The following ATP10A variants were observed in gnomAD, a reference collection of about 807,000 sequenced individuals.
ATP10A encodes the protein ATPase phospholipid transporting 10A (putative), also known as phospholipid-transporting ATPase VA.
In ATP10A, 111 loss-of-function variants were observed where a neutral mutation model predicts 147.8. The ratio of observed to expected loss-of-function variants is 0.75; its 90% CI spans 0.64 to 0.88. The LOEUF is 0.88. ATP10A is among the 40% of genes least tolerant of loss of function. ATP10A has a pLI of 0.00. For missense variants in ATP10A, 1,927 were observed against 1,959.0 expected (o/e 0.98, Z 0.31); for synonymous variants, 875 against 841.6 (o/e 1.04, Z -0.69).
At chr15:25,728,672 A>T (rs1902741686) in intron 3 of ATP10A, among the ~76,000 whole-genome samples, 1 of 152,242 alleles carries the variant, frequency 6.6e-6, no homozygotes, top group East Asian at 1.9e-4. Context: ...AGTTCAGGTT[A>T]TGCTTATTAA....
chr15:25,863,205 G>T lies in ATP10A; in HGVS notation c.-109C>A. On this transcript the variant is annotated 5_prime_UTR_variant, in exon 1 of 21. Coordinates refer to ENST00000555815, the MANE Select transcript of ATP10A (RefSeq NM_024490.4). Reference sequence around the variant, plus strand: ...GCGCGGCGGTGCGAGCTCCCCGCCTGCGGGACGCACGGAGACCGCGGTCAG... The same window carrying T: ...GCGCGGCGGTGCGAGCTCCCCGCCTTCGGGACGCACGGAGACCGCGGTCAG... The T allele has an allele frequency of 2.5e-6, 2 of 785,932 alleles. No individual in the cohort carries two copies. The highest frequency in any genetic ancestry group is 3.2e-6 in the Non-Finnish European group (2 of 631,090). The allele number at this position is 785,932 out of a possible 1,614,324, so 48.7% of individuals were successfully genotyped here.
chr15:25,718,527 GCTCT>G (rs1377391919), intron 7 of ATP10A, 128 bp from the exon 8 acceptor site: 1 of 933,814 alleles, frequency 1.1e-6, no homozygotes, highest in Non-Finnish European at 1.6e-6. Flanking sequence ...CACCACCCTT[GCTCT>G]CTAATAGCAA....
rs528640715 is a variant in ATP10A, at chr15:25,855,637, G to A, written c.449+7011C>T. On this transcript the variant is annotated intron_variant, in intron 1 of 20. Coordinates refer to ENST00000555815, the MANE Select transcript of ATP10A (RefSeq NM_024490.4). ...AAGCATGCGTTCCCCCTAAGATCAG[G>A]AGCAAGAGAAGGACATCCATTTTTG... 8.5e-4 allele frequency among the ~76,000 whole-genome samples: 129 copies of A among 151,998 alleles called. 1 individual carries two copies. Among genetic ancestry groups the A allele is most frequent in the Non-Finnish European group, 1.3e-3 (88 of 67,998 alleles).
chr15:25,793,958 C>T (rs540464904), intron 1 of ATP10A, among the ~76,000 whole-genome samples: 1 of 152,282 alleles, frequency 6.6e-6, no homozygotes, highest in Non-Finnish European at 1.5e-5. Context: ...AAGTCCTGCC[C>T]CAGATGCCCA....
chr15:25,687,423 C>T (rs1386292933), intron 16 of ATP10A, among the ~76,000 whole-genome samples: 6 of 151,882 alleles, frequency 4.0e-5, no homozygotes, highest in Non-Finnish European at 5.9e-5. Flanking sequence ...TAATTATGCC[C>T]CTTCTCACTC....
intron 1 of ATP10A, among the ~76,000 whole-genome samples, chr15:25,787,387 GA>G (rs1220511688): frequency 6.6e-6 from 1 of 152,030 alleles, no homozygotes; most frequent in Non-Finnish European, 1.5e-5. Flanking sequence ...GCTGAAGTAG[GA>G]GGATCATTTG....
chr15:25,859,007 C>T (rs1050604590), intron 1 of ATP10A, among the ~76,000 whole-genome samples: 2 of 152,184 alleles, frequency 1.3e-5, no homozygotes, highest in African/African-American at 2.4e-5. Flanking sequence ...GGGAGCAGGG[C>T]TCCAGGTCTG....
At chr15:25,784,751 C>T (rs924032973) in intron 1 of ATP10A, among the ~76,000 whole-genome samples, 4 of 151,978 alleles carry the variant, frequency 2.6e-5, no homozygotes, top group African/African-American at 9.7e-5. Context: ...GAAGAAACCC[C>T]ATCTCACTAA....
intron 8 of ATP10A, among the ~76,000 whole-genome samples, chr15:25,717,144 G>C (rs1257720277): frequency 2.0e-5 from 3 of 152,132 alleles, no homozygotes; most frequent in African/African-American, 4.8e-5. Context: ...CTTCAGCATT[G>C]CCCTCTAGTC....
chr15:25,711,595 G>T (rs1240666623), intron 10 of ATP10A, among the ~76,000 whole-genome samples: 1 of 152,082 alleles, frequency 6.6e-6, no homozygotes, highest in Non-Finnish European at 1.5e-5. Context: ...TTCATGCACT[G>T]CTTGGAAATT....
chr15:25,838,138 A>C (rs905642049), intron 1 of ATP10A, among the ~76,000 whole-genome samples: 122 of 152,384 alleles, frequency 8.0e-4, no homozygotes, highest in African/African-American at 2.9e-3. Context: ...ATGAAAGTCC[A>C]TACCCTGTCT....
chr15:25,833,981 G>GAAA (rs1567418808), intron 1 of ATP10A, among the ~76,000 whole-genome samples: 219 of 147,876 alleles, frequency 1.5e-3, no homozygotes, highest in African/African-American at 5.1e-3. Flanking sequence ...CAAAAAAAAC[G>GAAA]AACAAACAAA....
chr15:25,716,714 A>AC lies in ATP10A; in HGVS notation c.1776+15dup. ...CAGAAGGTCAAGGTCAAGCTCAGGGACCCTCCAGAACTTGCCTTTGTTCGT... is the reference window on the plus strand; with the variant it reads ...CAGAAGGTCAAGGTCAAGCTCAGGGACCCCTCCAGAACTTGCCTTTGTTCGT... On this transcript the variant is annotated intron_variant, in intron 9 of 20. Transcript: ENST00000555815. 6.5e-7 allele frequency: 1 copy of AC among 1,544,222 alleles called. No homozygotes were observed. The highest frequency in any genetic ancestry group is 8.8e-7 in the Non-Finnish European group (1 of 1,141,144).
intron 2 of ATP10A, among the ~76,000 whole-genome samples, chr15:25,745,216 C>CT (rs1887783858): frequency 6.6e-6 from 1 of 151,988 alleles, no homozygotes; most frequent in Non-Finnish European, 1.5e-5. Context: ...ATCCCAGCTA[C>CT]TTGGGAGGCT....
intron 2 of ATP10A, among the ~76,000 whole-genome samples, chr15:25,740,928 G>T (rs1887550859): frequency 6.6e-6 from 1 of 152,208 alleles, no homozygotes; most frequent in Admixed American, 6.5e-5. Flanking sequence ...GCCACGCAGG[G>T]AACCCTGAGG....
intron 1 of ATP10A, among the ~76,000 whole-genome samples, chr15:25,788,187 C>A (rs114800120): frequency 6.6e-6 from 1 of 152,230 alleles, no homozygotes; most frequent in Non-Finnish European, 1.5e-5. Context: ...CATGTAGGAG[C>A]AGCACTAAAC....
chr15:25,803,999 CTG>C (rs897190507), intron 1 of ATP10A, among the ~76,000 whole-genome samples: 7 of 151,770 alleles, frequency 4.6e-5, no homozygotes, highest in African/African-American at 9.7e-5. Context: ...TGATGTGAGG[CTG>C]TGTTTGTCAG....
At chr15:25,687,662 C>A (rs370866466) in intron 16 of ATP10A, 41 bp downstream of exon 16, 465 of 1,372,932 alleles carry the variant, frequency 3.4e-4, no homozygotes, top group South Asian at 1.1e-3. Flanking sequence ...AAGAACCGAA[C>A]CTTCCAATCC....
rs1901837850 is a variant in ATP10A, at chr15:25,716,742, CTGATCCGGG to C, written c.1755_1763del (p.Asp587_Pro589del). 1 of 1,586,816 alleles carries C rather than the reference CTGATCCGGG, an allele frequency of 6.3e-7. No individual in the cohort carries two copies. The highest frequency in any genetic ancestry group is 1.2e-5 in the South Asian group (1 of 86,908). Reference sequence around the variant, plus strand: ...CTCCAGAACTTGCCTTTGTTCGTGGCTGATCCGGGGACGTGACGACGACTGTGTTGCAGA... The same window carrying C: ...CTCCAGAACTTGCCTTTGTTCGTGGCGACGTGACGACGACTGTGTTGCAGA... On this transcript the variant is annotated inframe_deletion, in exon 9 of 21. Transcript: ENST00000555815.
Sources: allele counts gnomAD v4.1 joint callset (sites outside exome capture counted in the v4.1 genomes callset), GRCh38; gene constraint gnomAD v4.1.1; transcripts MANE v1.5; gene names NCBI Gene and HGNC (gene_info 2026-07-23, HGNC 2026-07-21).